Variants in SVOPL observed in about 807,000 individuals in gnomAD.
SVOPL encodes the protein SVOP like, also known as putative transporter SVOPL.
In SVOPL, 60 loss-of-function variants were observed where a neutral mutation model predicts 61.0. The observed-to-expected ratio is 0.98, with a 90% CI of 0.80 to 1.22. SVOPL has a LOEUF of 1.22. Among genes scored for constraint, SVOPL ranks in the 50% most tolerant of loss-of-function variants. The pLI is 0.00. For synonymous variants in SVOPL, 279 were observed against 250.0 expected (o/e 1.12, Z -1.09); for missense variants, 662 against 643.9 (o/e 1.03, Z -0.30).
chr7:138,640,674 A>T (rs73458896), intron 9 of SVOPL, among the ~76,000 whole-genome samples: 9,543 of 152,228 alleles, frequency 0.063, 829 homozygotes, highest in African/African-American at 0.19. Context: ...CAGAAAGCCA[A>T]ATACCATATG....
chr7:138,690,559 T>A (rs1802917407), intron 1 of SVOPL, among the ~76,000 whole-genome samples: 1 of 152,214 alleles, frequency 6.6e-6, no homozygotes, highest in East Asian at 1.9e-4. Flanking sequence ...TATTGTATGA[T>A]TCCATTTATA....
chr7:138,630,254 A>T (rs1673164), intron 9 of SVOPL, 132 bp from the exon 10 acceptor site: 72,006 of 697,382 alleles, frequency 0.1, 6,475 homozygotes, highest in African/African-American at 0.33. Flanking sequence ...CTCAGCTCCT[A>T]TGAGTACAGC....
chr7:138,644,641 C>A, intron 9 of SVOPL, 76 bp downstream of exon 9: 1 of 1,562,656 alleles, frequency 6.4e-7, no homozygotes, highest in Non-Finnish European at 8.7e-7. Flanking sequence ...TCCCCCCTCC[C>A]TCCAGCCTTC....
At chr7:138,639,109 A>C (rs1366802746) in intron 9 of SVOPL, among the ~76,000 whole-genome samples, 1 of 151,478 alleles carries the variant, frequency 6.6e-6, no homozygotes. Context: ...ACAAAAATTA[A>C]CTGGGCATGG....
chr7:138,611,842 C>A (rs1181357492), intron 14 of SVOPL, among the ~76,000 whole-genome samples: 2 of 69,792 alleles, frequency 2.9e-5, no homozygotes, highest in Non-Finnish European at 5.9e-5. Flanking sequence ...CCTTGGCCTC[C>A]CAAAGTGCCG....
intron 14 of SVOPL, among the ~76,000 whole-genome samples, chr7:138,608,695 C>T (rs1342824155): frequency 1.3e-5 from 2 of 152,052 alleles, no homozygotes; most frequent in Non-Finnish European, 2.9e-5. Context: ...TACACTCCCC[C>T]CCCTTGCCCT....
intron 9 of SVOPL, among the ~76,000 whole-genome samples, chr7:138,637,244 A>G (rs1457116240): frequency 6.6e-6 from 1 of 152,026 alleles, no homozygotes; most frequent in African/African-American, 2.4e-5. Flanking sequence ...CCTGCCCAAC[A>G]TGGTGAAACC....
intron 5 of SVOPL, chr7:138,661,839 C>A: frequency 1.0e-6 from 1 of 984,336 alleles, no homozygotes. Flanking sequence ...CAATCTTGGT[C>A]CAAATAAACT....
intron 14 of SVOPL, among the ~76,000 whole-genome samples, chr7:138,602,781 C>T (rs1156661706): frequency 6.6e-6 from 1 of 152,046 alleles, no homozygotes; most frequent in Non-Finnish European, 1.5e-5. Flanking sequence ...TTCTGACCTG[C>T]TTGAGAGGTC....
chr7:138,699,521 G>T (rs888976508), intron 1 of SVOPL, among the ~76,000 whole-genome samples: 18 of 152,084 alleles, frequency 1.2e-4, no homozygotes, highest in South Asian at 8.3e-4. Context: ...TTGGGAAATT[G>T]TGACCTCAGT....
At chr7:138,636,588 G>C (rs1029560421) in intron 9 of SVOPL, among the ~76,000 whole-genome samples, 2 of 150,612 alleles carry the variant, frequency 1.3e-5, no homozygotes, top group Admixed American at 1.3e-4. Flanking sequence ...CTCGTGCCTC[G>C]GCCTCCCAAG....
intron 5 of SVOPL, chr7:138,662,121 G>A: frequency 3.0e-6 from 3 of 985,442 alleles, no homozygotes; most frequent in Non-Finnish European, 3.6e-6. Flanking sequence ...AAGAGCATGG[G>A]CTTCCATTTC....
intron 9 of SVOPL, among the ~76,000 whole-genome samples, chr7:138,644,161 A>G (rs1800973203): frequency 7.3e-6 from 1 of 136,628 alleles, no homozygotes; most frequent in African/African-American, 2.7e-5. Context: ...AGATCGTGCC[A>G]CTGCACTCCA....
Position 138,620,735 on chromosome 7 carries a change from C to T in SVOPL, c.1353+311G>A, listed in dbSNP as rs145947888. Among the ~76,000 whole-genome samples the T allele has an allele frequency of 8.3e-3, 1,267 of 152,276 alleles. 19 individuals are homozygous for T. Among genetic ancestry groups the T allele is most frequent in the African/African-American group, 0.028 (1,184 of 41,544 alleles). The stretch of plus-strand genomic sequence containing the variant: ...ACAATTCTAACTCAGGGTTAGTGCC[C>T]ACTGTCATTCAACTGCCCAAGCTTC... On this transcript the variant is annotated intron_variant, in intron 14 of 15. Coordinates refer to ENST00000674285, the MANE Select transcript of SVOPL (RefSeq NM_001139456.2).
intron 4 of SVOPL, among the ~76,000 whole-genome samples, chr7:138,670,844 T>A (rs1009485141): frequency 6.6e-6 from 1 of 152,150 alleles, no homozygotes; most frequent in African/African-American, 2.4e-5. Context: ...CTTAGAAAAC[T>A]GACCACATCC....
intron 1 of SVOPL, among the ~76,000 whole-genome samples, chr7:138,696,571 C>T (rs912284266): frequency 6.6e-6 from 1 of 151,974 alleles, no homozygotes; most frequent in African/African-American, 2.4e-5. Flanking sequence ...TACAGGTGCC[C>T]GCCACCATAT....
intron 14 of SVOPL, among the ~76,000 whole-genome samples, chr7:138,611,693 C>T (rs1799009528): frequency 7.2e-6 from 1 of 139,820 alleles, no homozygotes; most frequent in Admixed American, 7.7e-5. Context: ...TTTTTGTGAC[C>T]CTTGAAAGAT....
chr7:138,622,492 G>C (rs994239201), intron 13 of SVOPL, among the ~76,000 whole-genome samples: 78 of 108,280 alleles, frequency 7.2e-4, no homozygotes, highest in African/African-American at 1.9e-3. Context: ...GCAGCGGCGG[G>C]CGGGGGGTCT....
intron 1 of SVOPL, among the ~76,000 whole-genome samples, chr7:138,699,114 T>C (rs1803134435): frequency 6.6e-6 from 1 of 152,138 alleles, no homozygotes; most frequent in African/African-American, 2.4e-5. Flanking sequence ...ATCATGCCAC[T>C]GCACTCCAGC....
Sources: gnomAD v4.1 joint callset for allele counts (sites outside exome capture counted in the v4.1 genomes callset) on GRCh38, gnomAD v4.1.1 for gene constraint, MANE v1.5 for transcripts, NCBI Gene and HGNC (gene_info 2026-07-23, HGNC 2026-07-21) for gene names.